Variants in ABI3BP observed in about 807,000 individuals in gnomAD.
ABI3BP encodes ABI family member 3 binding protein.
Under a neutral mutation model 268.6 loss-of-function variants are expected in ABI3BP, and 216 were observed. The ratio of observed to expected loss-of-function variants is 0.80; its 90% confidence interval spans 0.72 to 0.90. The LOEUF (loss-of-function observed/expected upper bound fraction) is 0.90. Among genes scored for constraint, ABI3BP ranks in the 40% least tolerant of loss-of-function variants. ABI3BP has a pLI of 0.00. For synonymous variants in ABI3BP, 730 were observed against 730.0 expected, an observed-to-expected ratio of 1.00 and a Z score of 0.00; for missense variants, 2,090 against 2,182.4, an observed-to-expected ratio of 0.96 and a Z score of 0.84.
At chr3:100,780,038 G>T in intron 58 of ABI3BP, 94 bp downstream of exon 58, 1 of 1,109,372 alleles carries the variant, frequency 9.0e-7, no homozygotes, top group Non-Finnish European at 1.4e-6. Context: ...GGGGCTGTGT[G>T]GATGTTGCTG....
intron 20 of ABI3BP, chr3:100,844,072 C>G (rs2098740347): frequency 1.0e-5 from 10 of 981,622 alleles, no homozygotes; most frequent in Non-Finnish European, 1.2e-5. Flanking sequence ...GACACGCCTT[C>G]TATTTGACAA....
intron 2 of ABI3BP, among the ~76,000 whole-genome samples, chr3:100,906,624 A>G (rs2053563378): frequency 6.6e-6 from 1 of 152,252 alleles, no homozygotes; most frequent in Non-Finnish European, 1.5e-5. Context: ...GAATGCAGTT[A>G]CCTTAACAAA....
chr3:100,966,653 C>T (rs1486525787), intron 1 of ABI3BP, among the ~76,000 whole-genome samples: 1 of 152,180 alleles, frequency 6.6e-6, no homozygotes, highest in Non-Finnish European at 1.5e-5. Context: ...ATATGAATTA[C>T]AGCAAAGATT....
chr3:100,973,235 G>A (rs140767788), intron 1 of ABI3BP, among the ~76,000 whole-genome samples: 29 of 152,260 alleles, frequency 1.9e-4, no homozygotes, highest in Non-Finnish European at 3.7e-4. Flanking sequence ...AATCAACAAC[G>A]TGTATTAAGT....
At position 100,875,988 on chromosome 3, in the gene ABI3BP, C is replaced by T. The variant is rs191930311; in HGVS notation, c.746-409G>A. ...TAACTGATTCTGTTTTGAGAATACACTTGGGATGTTGTGTTTTCTGAAAAT... is the reference window on the plus strand; with the variant it reads ...TAACTGATTCTGTTTTGAGAATACATTTGGGATGTTGTGTTTTCTGAAAAT... On this transcript the variant is annotated intron_variant, in intron 7 of 67. Coordinates refer to ENST00000471714, the MANE Select transcript of ABI3BP (RefSeq NM_001375547.2). Among the ~76,000 whole-genome samples the T allele has an allele frequency of 6.2e-4, 94 of 152,234 alleles. 2 individuals are homozygous for T. The Middle Eastern group carries it at 0.01, about 17-fold the overall frequency.
At chr3:100,850,581 G>T (rs2098826303) in intron 16 of ABI3BP, 79 bp downstream of exon 16, 1 of 1,028,812 alleles carries the variant, frequency 9.7e-7, no homozygotes, top group African/African-American at 1.6e-5. Context: ...GAATGAAATG[G>T]TCATTTGGAA....
intron 57 of ABI3BP, 61 bp from the exon 58 acceptor site, chr3:100,780,270 G>T: frequency 6.6e-7 from 1 of 1,504,826 alleles, no homozygotes. Flanking sequence ...TGGAAACTTG[G>T]TAGAGTTGCC....
chr3:100,826,147 C>A (rs1432872164), intron 34 of ABI3BP, among the ~76,000 whole-genome samples: 1 of 152,128 alleles, frequency 6.6e-6, no homozygotes, highest in Non-Finnish European at 1.5e-5. Context: ...GAGCTGCACA[C>A]ACAGAGGAAA....
Position 100,862,853 on chromosome 3 carries a change from G to T in ABI3BP, c.1195C>A (p.Pro399Thr), listed in dbSNP as rs1288336119. Reference protein sequence around the residue: ...EAKTPFPFEKPRGTLASSEKP... With the variant: ...EAKTPFPFEKTRGTLASSEKP... The stretch of plus-strand genomic sequence containing the variant: ...CTCTTATTACCCAATGTGCCCCTAG[G>T]TTTCTCAAAAGGGAAGGGTGTTTTT... Residue 399 changes from proline (P) to threonine (T), a missense_variant, in exon 13 of 68, where the codon CCT becomes ACT. Physicochemically the swap from Pro to Thr is conservative, Grantham distance 38. Transcript: ENST00000471714. 1 of 1,535,390 alleles carries T rather than the reference G, an allele frequency of 6.5e-7. No homozygotes were observed. Among genetic ancestry groups the T allele is most frequent in the Non-Finnish European group, 8.7e-7 (1 of 1,146,412 alleles).
chr3:100,864,865 G>C lies in ABI3BP; in HGVS notation c.1031C>G (p.Ser344Cys). 1.2e-6 allele frequency: 2 copies of C among 1,608,506 alleles called. No homozygotes were observed. The highest frequency in any genetic ancestry group is 1.7e-6 in the Non-Finnish European group (2 of 1,178,238). ...TGTTTCTGAAACATCTAATGCACTA[G>C]ACGTAGTGGGTTTAGTGCTTCTTGG... ...TVPRSTKPTT[S>C]SALDVSETTL... Residue 344 changes from serine to cysteine, a missense_variant, in exon 11 of 68, where the codon TCT becomes TGT. Transcript: ENST00000471714.
chr3:100,933,078 G>A (rs116757278), intron 1 of ABI3BP, among the ~76,000 whole-genome samples: 32 of 152,028 alleles, frequency 2.1e-4, no homozygotes, highest in Admixed American at 4.6e-4. Flanking sequence ...TTGATCTCAA[G>A]TTGGTCAACA....
chr3:100,975,393 T>G (rs151071252), intron 1 of ABI3BP, among the ~76,000 whole-genome samples: 2 of 152,212 alleles, frequency 1.3e-5, no homozygotes, highest in East Asian at 3.9e-4. Flanking sequence ...CCAGCTGTGA[T>G]CTAGCTGCCT....
intron 2 of ABI3BP, among the ~76,000 whole-genome samples, chr3:100,915,492 C>A (rs540472145): frequency 6.6e-6 from 1 of 152,038 alleles, no homozygotes; most frequent in African/African-American, 2.4e-5. Flanking sequence ...CAGCTGAAGT[C>A]GCTGAATAGG....
chr3:100,883,695 T>C (rs150286419), intron 6 of ABI3BP, among the ~76,000 whole-genome samples: 114 of 152,214 alleles, frequency 7.5e-4, no homozygotes, highest in Middle Eastern at 6.8e-3. Flanking sequence ...TATAAATTAG[T>C]ACCACTTTTC....
At chr3:100,967,704 A>C (rs1008473453) in intron 1 of ABI3BP, among the ~76,000 whole-genome samples, 1 of 152,130 alleles carries the variant, frequency 6.6e-6, no homozygotes, top group African/African-American at 2.4e-5. Context: ...CAATTCAATA[A>C]GGTAGAATAA....
intron 1 of ABI3BP, among the ~76,000 whole-genome samples, chr3:100,952,005 C>T (rs1026537671): frequency 2.7e-5 from 4 of 149,978 alleles, no homozygotes; most frequent in Admixed American, 1.3e-4. Context: ...TAGCCCCACC[C>T]AACAAGATCA....
chr3:100,871,635 C>G (rs2099110594), intron 9 of ABI3BP, among the ~76,000 whole-genome samples: 1 of 152,172 alleles, frequency 6.6e-6, no homozygotes, highest in African/African-American at 2.4e-5. Context: ...TGCTGCCATC[C>G]ATGTAAGATA....
chr3:100,761,218 C>T (rs2095922702), intron 63 of ABI3BP, among the ~76,000 whole-genome samples: 1 of 152,182 alleles, frequency 6.6e-6, no homozygotes, highest in East Asian at 1.9e-4. Context: ...GAGCTGGATA[C>T]CAATATCTAC....
chr3:100,824,439 CCA>C (rs1284529440), intron 36 of ABI3BP, among the ~76,000 whole-genome samples: 1 of 152,130 alleles, frequency 6.6e-6, no homozygotes, highest in Non-Finnish European at 1.5e-5. Context: ...ATCTTCAACT[CCA>C]CGCTTTCTGC....
Sources: allele counts gnomAD v4.1 joint callset (sites outside exome capture counted in the v4.1 genomes callset), GRCh38; gene constraint gnomAD v4.1.1; transcripts MANE v1.5; gene names NCBI Gene and HGNC (gene_info 2026-07-23, HGNC 2026-07-21).